The following SIRT1 variants were observed in gnomAD, a reference collection of about 807,000 sequenced individuals.
SIRT1 encodes NAD-dependent protein deacetylase sirtuin-1.
SIRT1 carries 24 observed loss-of-function variants against 67.9 expected under a neutral mutation model. The observed-to-expected ratio is 0.35, with a 90% CI of 0.26 to 0.50. The LOEUF (loss-of-function observed/expected upper bound fraction) is 0.50. SIRT1 is among the 20% of genes least tolerant of loss of function. SIRT1 has a pLI of 0.98. For missense variants in SIRT1, 873 were observed against 937.2 expected (o/e 0.93, Z 0.89); for synonymous variants, 378 against 350.7 (o/e 1.08, Z -0.87).
At chr10:67,905,601 C>T (rs549718885) in intron 4 of SIRT1, among the ~76,000 whole-genome samples, 1 of 152,184 alleles carries the variant, frequency 6.6e-6, no homozygotes, top group African/African-American at 2.4e-5. Flanking sequence ...GGTAAAAAGT[C>T]ATCTTTAATC....
rs533784534 is a variant in SIRT1 at position 67,899,822 on chromosome 10, C to T, written c.943-6968C>T. ...AAAAGAGGCCAGGTGCGGTGGCTCA[C>T]ACCTGTAAACCCAGCACTTTGGGAG... On this transcript the variant is annotated intron_variant, in intron 4 of 8. Transcript: ENST00000212015. Among the ~76,000 whole-genome samples, 53 of 152,060 alleles carry T rather than the reference C, an allele frequency of 3.5e-4. No individual in the cohort carries two copies. In the South Asian group the frequency reaches 0.01, roughly 30 times the overall value.
rs1842573940 is a variant in SIRT1 at position 67,891,571 on chromosome 10, T to C, written c.942+17T>C. On this transcript the variant is annotated intron_variant, in intron 4 of 8. Transcript: ENST00000212015. ...TTTGCAAAGGTACTATGAACTCTTC[T>C]GGTTGTTTCTTTGGCCTTCTCTCAT... 6.2e-7 allele frequency: 1 copy of C among 1,612,078 alleles called. No individual in the cohort carries two copies. Among genetic ancestry groups the C allele is most frequent in the Non-Finnish European group, 8.5e-7 (1 of 1,178,936 alleles).
In SIRT1 at chr10:67,900,762, G is replaced by A. The variant is rs993526597; in HGVS notation, c.943-6028G>A. Among the ~76,000 whole-genome samples the A allele has an allele frequency of 7.9e-5, 12 of 152,106 alleles. 1 individual carries two copies. The highest frequency in any genetic ancestry group is 5.2e-4 in the Admixed American group (8 of 15,268). ...TTAGGCCTGTTCTGTTTTTATTAGC[G>A]TGGATGACTGCTGGTTACTACTGGC... On this transcript the variant is annotated intron_variant, in intron 4 of 8. Transcript: ENST00000212015.
At position 67,885,946 on chromosome 10, in the gene SIRT1, T is replaced by TTC. The variant is rs1465010473; in HGVS notation, c.430+796_430+797insCT. ...TGTCATGTTCTTGAAGGTTTCTTTT[T>TTC]TTTTTTTTTTTTTTTTTTGAGACGG... is the stretch of plus-strand genomic sequence containing the variant. On this transcript the variant is annotated intron_variant, in intron 1 of 8. Transcript: ENST00000212015. 1.5e-4 allele frequency among the ~76,000 whole-genome samples: 20 copies of TTC among 137,020 alleles called. No individual in the cohort carries two copies. The East Asian group carries it at 4.3e-3, about 29-fold the overall frequency. 89.9% of individuals were successfully genotyped at this position (137,020 alleles called of 152,430 possible). A position where few individuals can be genotyped will look rare whatever the true frequency, so the allele number is the denominator to read the frequency against.
chr10:67,891,841 C>T (rs1437828719), intron 4 of SIRT1, among the ~76,000 whole-genome samples: 1 of 152,164 alleles, frequency 6.6e-6, no homozygotes. Context: ...GAGGTTTGCA[C>T]ACCATATAAA....
At chr10:67,906,116 CTCTGA>C in intron 4 of SIRT1, 1 of 1,275,528 alleles carries the variant, frequency 7.8e-7, no homozygotes, top group Non-Finnish European at 9.9e-7. Flanking sequence ...GATACTTTTT[CTCTGA>C]TCTTTTTGCC....
At chr10:67,899,580 A>T in intron 4 of SIRT1, among the ~76,000 whole-genome samples, 1 of 152,108 alleles carries the variant, frequency 6.6e-6, no homozygotes, top group East Asian at 1.9e-4. Flanking sequence ...AACAGAATCA[A>T]AAACACCTTG....
At chr10:67,885,259 C>T (rs890194662) in intron 1 of SIRT1, 108 bp downstream of exon 1, 18 of 1,249,216 alleles carry the variant, frequency 1.4e-5, no homozygotes, top group Non-Finnish European at 1.6e-5. Flanking sequence ...GGCTCCGCGG[C>T]GTTCCCCTCC....
At chr10:67,901,614 T>TAC (rs1842746334) in intron 4 of SIRT1, among the ~76,000 whole-genome samples, 1 of 152,206 alleles carries the variant, frequency 6.6e-6, no homozygotes, top group African/African-American at 2.4e-5. Context: ...GCCTTGTCTG[T>TAC]AGCATAATAA....
intron 3 of SIRT1, among the ~76,000 whole-genome samples, chr10:67,890,891 G>T (rs567353099): frequency 2.6e-5 from 4 of 151,742 alleles, no homozygotes; most frequent in African/African-American, 9.7e-5. Context: ...TCAGCCGGTC[G>T]CGGTGGCAGG....
At position 67,916,224 on chromosome 10, in the gene SIRT1, G is replaced by A. The variant is rs778274622; in HGVS notation, c.1916-41G>A. Reference sequence around the variant, plus strand: ...TCCAGACTGCTCAGACTGAGTTAGTGTTAGAAAACTGAAAGTAACATTTTT... The same window carrying A: ...TCCAGACTGCTCAGACTGAGTTAGTATTAGAAAACTGAAAGTAACATTTTT... On this transcript the variant is annotated intron_variant, in intron 8 of 8. Coordinates refer to ENST00000212015, the MANE Select transcript of SIRT1 (RefSeq NM_012238.5). The A allele has an allele frequency of 5.8e-6, 9 of 1,542,602 alleles. No individual in the cohort carries two copies. The Admixed American group carries it at 1.4e-4, about 24-fold the overall frequency.
intron 1 of SIRT1, among the ~76,000 whole-genome samples, chr10:67,885,804 T>G (rs892368172): frequency 2.0e-5 from 3 of 152,168 alleles, no homozygotes; most frequent in African/African-American, 7.2e-5. Context: ...TTACTTTTAT[T>G]CTAATCTTGC....
At chr10:67,892,441 T>C (rs1842588267) in intron 4 of SIRT1, among the ~76,000 whole-genome samples, 2 of 151,996 alleles carry the variant, frequency 1.3e-5, no homozygotes, top group African/African-American at 2.4e-5. Flanking sequence ...AGCATGGTGG[T>C]GTGCACCTGT....
chr10:67,916,384 A>G lies in SIRT1; in HGVS notation c.2035A>G (p.Thr679Ala), dbSNP rs2029912951. ...TTGTGGCAGTAACAGTGATAGTGGGACATGCCAGAGTCCAAGTTTAGAAGA... is the reference window on the plus strand; with the variant it reads ...TTGTGGCAGTAACAGTGATAGTGGGGCATGCCAGAGTCCAAGTTTAGAAGA... ...SSCGSNSDSG[T>A]CQSPSLEEPM... Residue 679 changes from threonine to alanine, a missense_variant, in exon 9 of 9, where the codon ACA becomes GCA. Thr to Ala is a moderately conservative substitution (Grantham distance 58, BLOSUM62 0). Transcript: ENST00000212015. 6.2e-7 allele frequency: 1 copy of G among 1,614,068 alleles called. No individual in the cohort carries two copies. Among genetic ancestry groups the G allele is most frequent in the Admixed American group, 1.7e-5 (1 of 59,996 alleles).
chr10:67,888,713 A>G (rs1031301895), intron 2 of SIRT1, among the ~76,000 whole-genome samples, 169 bp from the exon 3 acceptor site: 2 of 152,160 alleles, frequency 1.3e-5, no homozygotes, highest in African/African-American at 4.8e-5. Flanking sequence ...TCCTAATCTC[A>G]TTGGGATATA....
At chr10:67,914,224 A>G (rs906501955) in intron 8 of SIRT1, among the ~76,000 whole-genome samples, 20 of 151,960 alleles carry the variant, frequency 1.3e-4, no homozygotes, top group Admixed American at 1.3e-3. Flanking sequence ...GGCATGCGCC[A>G]CCTTGCTCGG....
At chr10:67,909,580 T>C in intron 7 of SIRT1, 138 bp downstream of exon 7, 1 of 775,586 alleles carries the variant, frequency 1.3e-6, no homozygotes, top group Non-Finnish European at 1.9e-6. Context: ...AATTGTTTGT[T>C]TGTTTGTTTA....
rs1842921605 is a variant in SIRT1 at position 67,912,909 on chromosome 10, C to T, written c.1793C>T (p.Pro598Leu). The T allele has an allele frequency of 1.9e-6, 3 of 1,613,894 alleles. No homozygotes were observed. Among genetic ancestry groups the T allele is most frequent in the Non-Finnish European group, 2.5e-6 (3 of 1,180,004 alleles). The part of the protein sequence containing the change: ...VESIAEQMEN[P>L]DLKNVGSSTG... ...AGTATTGCTGAACAGATGGAAAATC[C>T]GGATTTGAAGAATGTTGGTTCTAGT... Residue 598 changes from proline (P) to leucine (L), a missense_variant, in exon 8 of 9, where the codon CCG (proline) becomes CTG (leucine). This residue lies in a region of SIRT1 where 295 missense variants were observed against 294.5 expected (regional missense o/e 1.00). Transcript: ENST00000212015.
intron 4 of SIRT1, among the ~76,000 whole-genome samples, chr10:67,896,186 C>G (rs888899443): frequency 6.6e-6 from 1 of 152,132 alleles, no homozygotes; most frequent in Non-Finnish European, 1.5e-5. Context: ...TTCACTCTGT[C>G]GAGCCATCAC....
Sources: gnomAD v4.1 joint callset for allele counts (sites outside exome capture counted in the v4.1 genomes callset) on GRCh38, gnomAD v4.1.1 for gene constraint, gnomAD v4.1.1 regional missense constraint, MANE v1.5 for transcripts, NCBI Gene and HGNC (gene_info 2026-07-23, HGNC 2026-07-21) for gene names.